The following MB21D2 variants were observed in gnomAD, a reference collection of about 807,000 sequenced individuals.
The protein encoded by MB21D2 is nucleotidyltransferase MB21D2.
A neutral mutation model predicts 33.3 loss-of-function variants in MB21D2; 9 were observed. That is an observed-to-expected ratio of 0.27 (90% CI 0.16 to 0.47). The LOEUF (loss-of-function observed/expected upper bound fraction) is 0.47. Among genes scored for constraint, MB21D2 ranks in the 20% least tolerant of loss-of-function variants. MB21D2 has a pLI of 0.99. For missense variants in MB21D2, 540 were observed against 624.6 expected, an observed-to-expected ratio of 0.86 and a Z score of 1.44; for synonymous variants, 241 against 236.3, an observed-to-expected ratio of 1.02 and a Z score of -0.18.
intron 1 of MB21D2, among the ~76,000 whole-genome samples, chr3:192,904,311 G>A (rs1714161983): frequency 6.6e-6 from 1 of 152,154 alleles, no homozygotes; most frequent in South Asian, 2.1e-4. Flanking sequence ...CTGGGTCTCA[G>A]TTTTCAGAGC....
chr3:192,852,323 G>A (rs1712825960), intron 1 of MB21D2, among the ~76,000 whole-genome samples: 2 of 152,234 alleles, frequency 1.3e-5, no homozygotes, highest in South Asian at 4.1e-4. Flanking sequence ...CAGGTTGTGA[G>A]GCGAAAGAAA....
At chr3:192,884,087 G>A (rs6801304) in intron 1 of MB21D2, among the ~76,000 whole-genome samples, 11,643 of 152,010 alleles carry the variant, frequency 0.077, 594 homozygotes, top group African/African-American at 0.13. Context: ...AGCCATGTCC[G>A]AAGCCCTTGG....
chr3:192,913,541 T>A (rs1469885947), intron 1 of MB21D2, among the ~76,000 whole-genome samples: 3 of 151,890 alleles, frequency 2.0e-5, no homozygotes, highest in Non-Finnish European at 4.4e-5. Flanking sequence ...ATGAAAAAAC[T>A]GGCCAGGCAT....
rs931756893 is a variant in MB21D2 at position 192,797,597 on chromosome 3, G to A, written c.*789C>T. 10 of 152,582 alleles carry A rather than the reference G, an allele frequency of 6.6e-5. No individual in the cohort carries two copies. Among genetic ancestry groups the A allele is most frequent in the African/African-American group, 2.4e-4 (10 of 41,434 alleles). 9.5% of individuals were successfully genotyped at this position (152,582 alleles called of 1,614,324 possible). A position where few individuals can be genotyped will look rare whatever the true frequency, so the allele number is the denominator to read the frequency against. ...GTTAATTTATATTGAAACACACTTTGCAATTCTGACAATGGCAAAGATTAG... is the reference window on the plus strand; with the variant it reads ...GTTAATTTATATTGAAACACACTTTACAATTCTGACAATGGCAAAGATTAG... On this transcript the variant is annotated 3_prime_UTR_variant, in exon 2 of 2. Coordinates refer to ENST00000392452, the MANE Select transcript of MB21D2 (RefSeq NM_178496.4).
At chr3:192,866,888 C>A (rs1713178964) in intron 1 of MB21D2, among the ~76,000 whole-genome samples, 1 of 152,152 alleles carries the variant, frequency 6.6e-6, no homozygotes, top group African/African-American at 2.4e-5. Context: ...TCCCGCTTCA[C>A]ACACCTAGAA....
At chr3:192,899,318 CAGG>C (rs373301210) in intron 1 of MB21D2, among the ~76,000 whole-genome samples, 14 of 152,192 alleles carry the variant, frequency 9.2e-5, no homozygotes, top group African/African-American at 2.9e-4. Flanking sequence ...CACTTGAGGT[CAGG>C]AGTTCGAGAC....
Position 192,799,716 on chromosome 3 carries a change from A to C in MB21D2, c.212-66T>G. The C allele has an allele frequency of 6.7e-7, 1 of 1,483,920 alleles. No individual in the cohort carries two copies. The highest frequency in any genetic ancestry group is 2.3e-5 in the Admixed American group (1 of 43,466). 91.9% of individuals were successfully genotyped at this position (1,483,920 alleles called of 1,614,324 possible). Reference sequence around the variant, plus strand: ...CACAGACATAAGAGTCTTATGCATGAAACAGAATGCTCTGATGTTCCAAGA... The same window carrying C: ...CACAGACATAAGAGTCTTATGCATGCAACAGAATGCTCTGATGTTCCAAGA... On this transcript the variant is annotated intron_variant, in intron 1 of 1. Transcript: ENST00000392452. This position sits in a 1 kb window ranked among gnomAD's most constrained non-coding sequence, Gnocchi z 4.1.
At chr3:192,855,394 G>A (rs761540720) in intron 1 of MB21D2, among the ~76,000 whole-genome samples, 6 of 152,150 alleles carry the variant, frequency 3.9e-5, no homozygotes, top group Non-Finnish European at 8.8e-5. Flanking sequence ...ACTGTGCCCA[G>A]CCAATAAGGT....
At chr3:192,899,090 A>G (rs1382937367) in intron 1 of MB21D2, among the ~76,000 whole-genome samples, 1 of 152,250 alleles carries the variant, frequency 6.6e-6, no homozygotes, top group Admixed American at 6.5e-5. Context: ...TTACCTTAAC[A>G]TATAATGCAA....
At chr3:192,839,799 C>A (rs1712528578) in intron 1 of MB21D2, among the ~76,000 whole-genome samples, 1 of 152,142 alleles carries the variant, frequency 6.6e-6, no homozygotes, top group Non-Finnish European at 1.5e-5. Context: ...CAGAAAACAA[C>A]CTTCTAACCA....
At chr3:192,804,548 A>T (rs1711624041) in intron 1 of MB21D2, among the ~76,000 whole-genome samples, 1 of 152,184 alleles carries the variant, frequency 6.6e-6, no homozygotes, top group South Asian at 2.1e-4. Flanking sequence ...GATAAATTTT[A>T]TCTTTTTATA....
intron 1 of MB21D2, among the ~76,000 whole-genome samples, chr3:192,810,559 T>C (rs1028634075): frequency 6.6e-6 from 1 of 152,214 alleles, no homozygotes; most frequent in Admixed American, 6.5e-5. Flanking sequence ...CTAACTTGTT[T>C]TACTGTTTAC....
At chr3:192,838,095 T>C (rs1712479964) in intron 1 of MB21D2, among the ~76,000 whole-genome samples, 1 of 152,222 alleles carries the variant, frequency 6.6e-6, no homozygotes. Context: ...GCTGCAGCCA[T>C]TTGAAGGCTT....
rs1319093681 is a variant in MB21D2 at position 192,838,578 on chromosome 3, A to G, written c.212-38928T>C. ...CGAGTGGCTGGGACTACAGGCGCCC[A>G]CCGCCACACCCAGCTACTTTTTTGT... On this transcript the variant is annotated intron_variant, in intron 1 of 1. Coordinates refer to ENST00000392452, the MANE Select transcript of MB21D2 (RefSeq NM_178496.4). Among the ~76,000 whole-genome samples, 3 of 151,544 alleles carry G rather than the reference A, an allele frequency of 2.0e-5. No homozygotes were observed. The South Asian group carries it at 6.3e-4, about 32-fold the overall frequency.
chr3:192,874,992 A>G (rs1713398115), intron 1 of MB21D2, among the ~76,000 whole-genome samples: 1 of 148,122 alleles, frequency 6.8e-6, no homozygotes, highest in South Asian at 2.2e-4. Context: ...CACCCTAACT[A>G]CACCTTTGTA....
intron 1 of MB21D2, among the ~76,000 whole-genome samples, chr3:192,833,882 G>A (rs541729780): frequency 1.3e-5 from 2 of 152,130 alleles, no homozygotes; most frequent in South Asian, 2.1e-4. Context: ...CCTCTGTTGA[G>A]TCCTGCAGAC....
intron 1 of MB21D2, among the ~76,000 whole-genome samples, chr3:192,815,880 T>C (rs1433083054): frequency 6.6e-6 from 1 of 152,176 alleles, no homozygotes; most frequent in Non-Finnish European, 1.5e-5. Flanking sequence ...ATAGATAAAG[T>C]GATTGCATCA....
At chr3:192,852,008 T>C (rs965349001) in intron 1 of MB21D2, among the ~76,000 whole-genome samples, 2 of 152,210 alleles carry the variant, frequency 1.3e-5, no homozygotes, top group Admixed American at 1.3e-4. Context: ...CGAGGAATGA[T>C]TGGCAAACTT....
chr3:192,913,208 C>T (rs557479586), intron 1 of MB21D2, among the ~76,000 whole-genome samples: 1 of 152,114 alleles, frequency 6.6e-6, no homozygotes, highest in Non-Finnish European at 1.5e-5. Flanking sequence ...CCAGCCTGGG[C>T]AACATGGCGA....
Sources: allele counts gnomAD v4.1 joint callset (sites outside exome capture counted in the v4.1 genomes callset), GRCh38; gene constraint gnomAD v4.1.1; non-coding constraint Gnocchi (gnomAD v3.1); transcripts MANE v1.5; gene names NCBI Gene and HGNC (gene_info 2026-07-23, HGNC 2026-07-21).